Variants in VAV2 observed in about 807,000 individuals in gnomAD.
VAV2 encodes the protein guanine nucleotide exchange factor VAV2.
VAV2 carries 67 observed loss-of-function variants against 132.5 expected under a neutral mutation model. The observed-to-expected ratio is 0.51, with a 90% CI of 0.42 to 0.62. VAV2 has a LOEUF of 0.62. Among genes scored for constraint, VAV2 ranks in the 20% least tolerant of loss-of-function variants. The pLI is 0.00. For synonymous variants in VAV2, 492 were observed against 443.5 expected (o/e 1.11, Z -1.37); for missense variants, 938 against 1,153.6 (o/e 0.81, Z 2.71).
At chr9:133,957,728 C>T (rs1456934782) in intron 1 of VAV2, among the ~76,000 whole-genome samples, 3 of 152,196 alleles carry the variant, frequency 2.0e-5, no homozygotes, top group Non-Finnish European at 4.4e-5. Context: ...GTGACTGTCA[C>T]AACCCGAGAG....
In VAV2 at chr9:133,851,406, C is replaced by T. The variant is rs142484977; in HGVS notation, c.380+9968G>A. Among the ~76,000 whole-genome samples the T allele has an allele frequency of 7.8e-3, 1,191 of 152,298 alleles. 10 individuals carry two copies. Among genetic ancestry groups the T allele is most frequent in the South Asian group, 0.036 (174 of 4,832 alleles). On this transcript the variant is annotated intron_variant, in intron 3 of 29. Coordinates refer to ENST00000371850, the MANE Select transcript of VAV2 (RefSeq NM_001134398.2). Reference sequence around the variant, plus strand: ...CATCTTTTGAATCCTCATAACAATCCAGTAACTCCAAAGGGCCGGTGAGGA... The same window carrying T: ...CATCTTTTGAATCCTCATAACAATCTAGTAACTCCAAAGGGCCGGTGAGGA...
Position 133,991,020 on chromosome 9 carries a change from A to T in VAV2, c.204+1055T>A, listed in dbSNP as rs1274707006. On this transcript the variant is annotated intron_variant, in intron 1 of 29. Coordinates refer to ENST00000371850, the MANE Select transcript of VAV2 (RefSeq NM_001134398.2). This position sits in a 1 kb window ranked among gnomAD's most constrained non-coding sequence, Gnocchi z 4.8. ...CAGAGGCCTCGCTGCCCAGCCTGGA[A>T]TCGCTGGTGACTCACTCTCCCTCCT... Among the ~76,000 whole-genome samples the T allele has an allele frequency of 6.6e-6, 1 of 152,176 alleles. No individual in the cohort carries two copies. The highest frequency in any genetic ancestry group is 1.5e-5 in the Non-Finnish European group (1 of 68,016).
intron 1 of VAV2, among the ~76,000 whole-genome samples, chr9:133,975,091 G>A (rs1413576462): frequency 6.6e-6 from 1 of 152,208 alleles, no homozygotes; most frequent in African/African-American, 2.4e-5. Context: ...GCAGGTGAAA[G>A]CACCAACAGG....
At chr9:133,875,041 G>T (rs1251026728) in intron 2 of VAV2, among the ~76,000 whole-genome samples, 2 of 152,208 alleles carry the variant, frequency 1.3e-5, no homozygotes, top group African/African-American at 4.8e-5. Context: ...AACAAGGGTG[G>T]GAATGAGGAC....
At chr9:133,803,615 G>C (rs1465411446) in intron 9 of VAV2, among the ~76,000 whole-genome samples, 1 of 152,344 alleles carries the variant, frequency 6.6e-6, no homozygotes, top group African/African-American at 2.4e-5. Flanking sequence ...TGCCTTGTCT[G>C]AGGACGAAGG....
Position 133,764,022 on chromosome 9 carries a change from C to T in VAV2, c.*40G>A. 1 of 1,613,564 alleles carries T rather than the reference C, an allele frequency of 6.2e-7. No individual in the cohort carries two copies. The highest frequency in any genetic ancestry group is 8.5e-7 in the Non-Finnish European group (1 of 1,179,560). ...GACAGACTTCAGGGCTGGAGTGACT[C>T]TCCCAAGAAAATCTGCGAGTCTTGT... On this transcript the variant is annotated 3_prime_UTR_variant, in exon 30 of 30. Transcript: ENST00000371850.
At chr9:133,877,546 T>C (rs1430234381) in intron 2 of VAV2, among the ~76,000 whole-genome samples, 1 of 152,174 alleles carries the variant, frequency 6.6e-6, no homozygotes, top group Non-Finnish European at 1.5e-5. Flanking sequence ...ATGATGAAAC[T>C]GAGGGTCAGA....
At position 133,789,288 on chromosome 9, in the gene VAV2, C is replaced by T. The variant is rs756289741; in HGVS notation, c.1244G>A (p.Arg415Gln). The T allele has an allele frequency of 2.2e-5, 35 of 1,614,042 alleles. No individual in the cohort carries two copies. Among genetic ancestry groups the T allele is most frequent in the Non-Finnish European group, 2.7e-5 (32 of 1,180,046 alleles). ...RPKIDGELKV[R>Q]SIVNHTKQDR... is the part of the protein sequence containing the mutation. ...CTGCTTGGTGTGGTTGACTATGGACCGGACTTTCAGTTCCCCGTCAATCTT... is the reference window on the plus strand; with the variant it reads ...CTGCTTGGTGTGGTTGACTATGGACTGGACTTTCAGTTCCCCGTCAATCTT... The change falls in exon 14 of 30, where the codon CGG (arginine) becomes CAG (glutamine). Residue 415 changes from arginine (R) to glutamine (Q), a missense_variant. Physicochemically the swap from Arg to Gln is conservative, Grantham distance 43 (BLOSUM62 1). Coordinates refer to ENST00000371850, the MANE Select transcript of VAV2 (RefSeq NM_001134398.2).
At chr9:133,981,059 G>A (rs143384835) in intron 1 of VAV2, among the ~76,000 whole-genome samples, 1 of 152,344 alleles carries the variant, frequency 6.6e-6, no homozygotes, top group East Asian at 1.9e-4. Context: ...AGCAAAGCCT[G>A]CACGTGCCCC....
intron 3 of VAV2, among the ~76,000 whole-genome samples, chr9:133,856,190 T>C (rs1015894419): frequency 1.3e-5 from 2 of 152,154 alleles, no homozygotes; most frequent in African/African-American, 2.4e-5. Context: ...TGTGAAGATG[T>C]TGTGAAAGCA....
At position 133,834,824 on chromosome 9, in the gene VAV2, G is replaced by A. The variant is rs1011208535; in HGVS notation, c.381-484C>T. Among the ~76,000 whole-genome samples the A allele has an allele frequency of 1.3e-5, 2 of 152,200 alleles. No individual in the cohort carries two copies. The highest frequency in any genetic ancestry group is 4.8e-5 in the African/African-American group (2 of 41,460). On this transcript the variant is annotated intron_variant, in intron 3 of 29. Transcript: ENST00000371850. The surrounding 1 kb of genome is among the most constrained non-coding windows in gnomAD (Gnocchi z 5.9). ...AGGGAGGGGTGACTTCTGAGGCACT[G>A]AGGGTAGGGGCTCACCCACGCCACC... is the stretch of plus-strand genomic sequence containing the variant.
rs373313018 is a variant in VAV2 at position 133,797,694 on chromosome 9, G to A, written c.936+16C>T. ...CCTTGGAGCCAGGGCCAGGGCCAAC[G>A]CCTGGCAGGACTTACCTCGACTTTC... On this transcript the variant is annotated intron_variant, in intron 10 of 29. Transcript: ENST00000371850. 6.3e-5 allele frequency: 101 copies of A among 1,609,202 alleles called. No individual in the cohort carries two copies. Among genetic ancestry groups the A allele is most frequent in the South Asian group, 1.7e-4 (15 of 90,086 alleles).
At chr9:133,867,652 T>G (rs891987121) in intron 2 of VAV2, among the ~76,000 whole-genome samples, 5 of 152,222 alleles carry the variant, frequency 3.3e-5, no homozygotes, top group Non-Finnish European at 7.3e-5. Flanking sequence ...TGGCTTTCAG[T>G]GCCCCGCAAG....
chr9:133,777,363 A>G, intron 23 of VAV2, 26 bp downstream of exon 23: 2 of 1,612,024 alleles, frequency 1.2e-6, no homozygotes, highest in Non-Finnish European at 1.7e-6. Flanking sequence ...ACCGTGCTCC[A>G]GAAGCTTCTG....
In VAV2 at chr9:133,794,092, G is replaced by T. The variant is rs776541519; in HGVS notation, c.1101+1576C>A. Reference sequence around the variant, plus strand: ...CAGAGCCACTCGCCAGCCAGACACCGAGTGCTGAGAGTATGAAACGCAAGA... The same window carrying T: ...CAGAGCCACTCGCCAGCCAGACACCTAGTGCTGAGAGTATGAAACGCAAGA... On this transcript the variant is annotated intron_variant, in intron 12 of 29. Coordinates refer to ENST00000371850, the MANE Select transcript of VAV2 (RefSeq NM_001134398.2). This position sits in a 1 kb window ranked among gnomAD's most constrained non-coding sequence, Gnocchi z 4.6. 6.6e-6 allele frequency among the ~76,000 whole-genome samples: 1 copy of T among 152,006 alleles called. No individual in the cohort carries two copies. Among genetic ancestry groups the T allele is most frequent in the Non-Finnish European group, 1.5e-5 (1 of 68,012 alleles).
intron 2 of VAV2, among the ~76,000 whole-genome samples, chr9:133,915,279 T>G (rs1201476311): frequency 6.6e-6 from 1 of 152,158 alleles, no homozygotes; most frequent in East Asian, 1.9e-4. Flanking sequence ...CCGCCCTCCT[T>G]GTGATCACGT....
At chr9:133,795,007 G>A (rs138714014) in intron 12 of VAV2, among the ~76,000 whole-genome samples, 169 of 152,314 alleles carry the variant, frequency 1.1e-3, no homozygotes, top group South Asian at 2.3e-3. Flanking sequence ...ACCCGGAGCC[G>A]GGGAAGTGCA....
At chr9:133,819,635 A>G (rs977625038) in intron 4 of VAV2, among the ~76,000 whole-genome samples, 1 of 152,120 alleles carries the variant, frequency 6.6e-6, no homozygotes, top group Non-Finnish European at 1.5e-5. Context: ...TCTGCCTGCC[A>G]CACCCTTAGG....
chr9:133,904,554 G>A (rs569418016), intron 2 of VAV2, among the ~76,000 whole-genome samples: 10 of 152,244 alleles, frequency 6.6e-5, no homozygotes, highest in African/African-American at 9.6e-5. Flanking sequence ...GTGTCCAGCC[G>A]AGCCCAAACG....
Sources: gnomAD v4.1 joint callset for allele counts (sites outside exome capture counted in the v4.1 genomes callset) on GRCh38, gnomAD v4.1.1 for gene constraint, Gnocchi (gnomAD v3.1) non-coding constraint, MANE v1.5 for transcripts, NCBI Gene and HGNC (gene_info 2026-07-23, HGNC 2026-07-21) for gene names.